DDHD1: variants seen among roughly 807,000 people sequenced by gnomAD.
The protein encoded by DDHD1 is phospholipase DDHD1.
In DDHD1, 49 loss-of-function variants were observed where a neutral mutation model predicts 96.4. The ratio of observed to expected loss-of-function variants is 0.51; its 90% confidence interval spans 0.40 to 0.64. DDHD1 has a LOEUF of 0.64. Among genes scored for constraint, DDHD1 ranks in the 30% least tolerant of loss-of-function variants. The probability of loss-of-function intolerance (pLI) is 0.00; values close to 1 mark genes in which losing one functional copy is unlikely to be tolerated. For missense variants in DDHD1, 1,106 were observed against 1,161.2 expected (o/e 0.95, Z 0.69); for synonymous variants, 442 against 446.5 (o/e 0.99, Z 0.13).
At chr14:53,056,849 A>G (rs112308422) in intron 9 of DDHD1, among the ~76,000 whole-genome samples, 22 of 152,342 alleles carry the variant, frequency 1.4e-4, no homozygotes, top group African/African-American at 5.0e-4. Context: ...TAAAGTTACA[A>G]CAAAGTTTAA....
intron 11 of DDHD1, 130 bp from the exon 12 acceptor site, chr14:53,052,057 G>A (rs1882634382): frequency 3.2e-6 from 2 of 628,300 alleles, no homozygotes; most frequent in Non-Finnish European, 5.5e-6. Flanking sequence ...ACATAAAGTA[G>A]TACACATCTT....
At chr14:53,116,142 T>C (rs538149888) in intron 1 of DDHD1, among the ~76,000 whole-genome samples, 3 of 152,278 alleles carry the variant, frequency 2.0e-5, no homozygotes, top group Non-Finnish European at 4.4e-5. Context: ...CATTACATAA[T>C]GGTAAAGGGA....
rs190714481 is a variant in DDHD1, at chr14:53,076,859, A to T, written c.1290-3012T>A. Among the ~76,000 whole-genome samples the T allele has an allele frequency of 7.2e-5, 11 of 152,342 alleles. No homozygotes were observed. The East Asian group carries it at 2.1e-3, about 29-fold the overall frequency. ...GCGACATTTAGCAGTACAGCATTTT[A>T]AAATTAAGATATGTACACGATTTTT... On this transcript the variant is annotated intron_variant, in intron 4 of 12. Coordinates refer to ENST00000673822, the MANE Select transcript of DDHD1 (RefSeq NM_001160148.2).
intron 1 of DDHD1, among the ~76,000 whole-genome samples, chr14:53,127,957 G>A (rs1185662854): frequency 1.3e-5 from 2 of 152,192 alleles, no homozygotes; most frequent in South Asian, 2.1e-4. Flanking sequence ...TAATCTTCAC[G>A]TGTTGGGGGA....
rs1190224810 is a variant in DDHD1, at chr14:53,042,693, A to C, written c.*4075T>G. The C allele has an allele frequency of 6.6e-6, 1 of 152,226 alleles. No individual in the cohort carries two copies. Among genetic ancestry groups the C allele is most frequent in the Non-Finnish European group, 1.5e-5 (1 of 68,044 alleles). The allele number at this position is 152,226 out of a possible 1,614,324, so 9.4% of individuals were successfully genotyped here. A position where few individuals can be genotyped will look rare whatever the true frequency, so the allele number is the denominator to read the frequency against. ...TTAAGTTCAGCCAGAGTACCATCAG[A>C]TTCCTGGCAGAGGCTTGAGGCACAG... On this transcript the variant is annotated 3_prime_UTR_variant, in exon 13 of 13. Coordinates refer to ENST00000673822, the MANE Select transcript of DDHD1 (RefSeq NM_001160148.2).
intron 4 of DDHD1, among the ~76,000 whole-genome samples, chr14:53,085,472 T>A (rs1255282391): frequency 6.6e-6 from 1 of 152,166 alleles, no homozygotes; most frequent in Admixed American, 6.5e-5. Context: ...CATTTGCTGC[T>A]CTGCAGACTC....
intron 2 of DDHD1, among the ~76,000 whole-genome samples, chr14:53,101,743 CTT>C (rs549336400): frequency 6.6e-6 from 1 of 152,034 alleles, no homozygotes; most frequent in African/African-American, 2.4e-5. Flanking sequence ...AATTCAAACA[CTT>C]TGAGAAAAAC....
rs1378240472 is a variant in DDHD1, at chr14:53,054,571, T to C, written c.2304A>G (p.Ser768=). The change falls in exon 11 of 13, where the codon TCA becomes TCG. Residue 768 remains serine, a synonymous_variant. Transcript: ENST00000673822. The part of the protein sequence containing the change: ...GGMLFSRFGR[S]STTQSSETSK... ...ATGTTTCAGATGACTGTGTTGTAGA[T>C]GAACGTCCAAATCTTGAGAACAACA... 2 of 1,614,152 alleles carry C rather than the reference T, an allele frequency of 1.2e-6. No individual in the cohort carries two copies. Among genetic ancestry groups the C allele is most frequent in the South Asian group, 2.2e-5 (2 of 91,082 alleles).
chr14:53,101,613 C>G (rs910175296), intron 2 of DDHD1, among the ~76,000 whole-genome samples: 3 of 152,018 alleles, frequency 2.0e-5, no homozygotes, highest in African/African-American at 7.2e-5. Flanking sequence ...AAAAATATTA[C>G]GATATCCTAG....
At chr14:53,147,615 T>C (rs1018523496) in intron 1 of DDHD1, among the ~76,000 whole-genome samples, 5 of 152,166 alleles carry the variant, frequency 3.3e-5, no homozygotes, top group Non-Finnish European at 5.9e-5. Flanking sequence ...AGCAGGTCAC[T>C]GTGCATTCTA....
chr14:53,074,168 T>C (rs900642180), intron 4 of DDHD1, among the ~76,000 whole-genome samples: 3 of 152,006 alleles, frequency 2.0e-5, no homozygotes, highest in Admixed American at 6.6e-5. Flanking sequence ...GCTCCAAATA[T>C]TAGCAAGTCA....
At chr14:53,143,504 T>C (rs10145557) in intron 1 of DDHD1, among the ~76,000 whole-genome samples, 116,492 of 152,098 alleles carry the variant, frequency 0.77, 46,094 homozygotes, top group East Asian at 0.97. Context: ...TCATTTATAA[T>C]CTGACGCGTC....
chr14:53,069,759 A>AC (rs1884355786), intron 6 of DDHD1, among the ~76,000 whole-genome samples: 1 of 151,944 alleles, frequency 6.6e-6, no homozygotes, highest in Admixed American at 6.6e-5. Flanking sequence ...AGTACCTGCC[A>AC]CCCCCGCCCT....
intron 1 of DDHD1, among the ~76,000 whole-genome samples, chr14:53,150,582 C>T (rs10133207): frequency 0.73 from 111,330 of 152,164 alleles, 43,530 homozygotes; most frequent in East Asian, 0.96. Flanking sequence ...GAATATACTT[C>T]AGTTTAATCT....
rs1380452862 is a variant in DDHD1 at position 53,039,610 on chromosome 14, G to C, written c.*7158C>G. 1 of 152,236 alleles carries C rather than the reference G, an allele frequency of 6.6e-6. No individual in the cohort carries two copies. Among genetic ancestry groups the C allele is most frequent in the African/African-American group, 2.4e-5 (1 of 41,430 alleles). 9.4% of individuals were successfully genotyped at this position (152,236 alleles called of 1,614,324 possible). A position where few individuals can be genotyped will look rare whatever the true frequency, so the allele number is the denominator to read the frequency against. Reference sequence around the variant, plus strand: ...AGGAGGGGAAACAGGATGCTGGGCAGACAAAAACAGGTAGCCAGTACAATA... The same window carrying C: ...AGGAGGGGAAACAGGATGCTGGGCACACAAAAACAGGTAGCCAGTACAATA... On this transcript the variant is annotated 3_prime_UTR_variant, in exon 13 of 13. Transcript: ENST00000673822.
In DDHD1 at chr14:53,063,109, C is replaced by T; in HGVS notation, c.1600G>A (p.Val534Ile). Residue 534 changes from valine to isoleucine, a missense_variant, in exon 7 of 13, where the codon GTA (valine) becomes ATA (isoleucine). Around this residue, in one of 2 missense-constraint regions of DDHD1, gnomAD observed 650 missense variants for 758.8 expected, o/e 0.86. Transcript: ENST00000673822. ...ATTACACATCCCAAGGAATGTGATA[C>T]TATTGAGACTTTACCCCCTTTTTCT... The part of the protein sequence containing the change: ...FEEKGGKVSI[V>I]SHSLGCVITY... 3.1e-6 allele frequency: 5 copies of T among 1,614,066 alleles called. No homozygotes were observed. Among genetic ancestry groups the T allele is most frequent in the Non-Finnish European group, 4.2e-6 (5 of 1,179,990 alleles).
Position 53,152,961 on chromosome 14 carries a change from G to C in DDHD1, c.138C>G (p.Gly46=). ...GCACGTCGCCGTCGTCCGGGTCCCC[G>C]CCGGGCAGGTGCTCGAAGCAGCAGA... ...GGVCCFEHLP[G]GDPDDGDVPL... Residue 46 remains glycine, a synonymous_variant, in exon 1 of 13, where the codon GGC becomes GGG. Coordinates refer to ENST00000673822, the MANE Select transcript of DDHD1 (RefSeq NM_001160148.2). 6.3e-7 allele frequency: 1 copy of C among 1,586,892 alleles called. No individual in the cohort carries two copies. The highest frequency in any genetic ancestry group is 8.6e-7 in the Non-Finnish European group (1 of 1,169,352).
chr14:53,084,080 C>CATAG (rs1885722179), intron 4 of DDHD1, among the ~76,000 whole-genome samples: 1 of 152,180 alleles, frequency 6.6e-6, no homozygotes, highest in African/African-American at 2.4e-5. Flanking sequence ...TGGCTACATA[C>CATAG]ATAGATTCAG....
intron 1 of DDHD1, among the ~76,000 whole-genome samples, chr14:53,142,663 T>C (rs1293301325): frequency 2.0e-5 from 3 of 152,194 alleles, no homozygotes; most frequent in African/African-American, 7.2e-5. Context: ...GCTCAAGAAT[T>C]TAGAATGCTT....
Sources: allele counts gnomAD v4.1 joint callset (sites outside exome capture counted in the v4.1 genomes callset), GRCh38; gene constraint gnomAD v4.1.1; regional missense constraint gnomAD v4.1.1; transcripts MANE v1.5; gene names NCBI Gene and HGNC (gene_info 2026-07-23, HGNC 2026-07-21).